Variants in NCOA1 observed in about 807,000 individuals in gnomAD.
NCOA1 encodes nuclear receptor coactivator 1.
Under a neutral mutation model 150.9 loss-of-function variants are expected in NCOA1, and 35 were observed. The ratio of observed to expected loss-of-function variants is 0.23; its 90% confidence interval spans 0.18 to 0.31. The LOEUF is 0.31. Among genes scored for constraint, NCOA1 ranks in the 10% least tolerant of loss-of-function variants. The pLI is 1.00. For synonymous variants in NCOA1, 590 were observed against 630.0 expected, an observed-to-expected ratio of 0.94 and a Z score of 0.95; for missense variants, 1,491 against 1,749.3, an observed-to-expected ratio of 0.85 and a Z score of 2.63.
chr2:24,738,650 C>T (rs1200288483), intron 17 of NCOA1, among the ~76,000 whole-genome samples: 1 of 152,140 alleles, frequency 6.6e-6, no homozygotes, highest in Non-Finnish European at 1.5e-5. Flanking sequence ...CCACAATGTG[C>T]TTTTGGCCAA....
intron 1 of NCOA1, among the ~76,000 whole-genome samples, chr2:24,507,028 A>G (rs1028552522): frequency 6.6e-6 from 1 of 152,242 alleles, no homozygotes; most frequent in African/African-American, 2.4e-5. Context: ...CCTTTATCTC[A>G]GTGTCCTTGT....
intron 1 of NCOA1, among the ~76,000 whole-genome samples, chr2:24,558,204 A>G (rs1338656044): frequency 1.3e-5 from 2 of 152,000 alleles, no homozygotes; most frequent in African/African-American, 4.8e-5. Context: ...CCTGTATGCA[A>G]GTTCACTTGT....
chr2:24,502,905 T>C (rs151166892), intron 1 of NCOA1, among the ~76,000 whole-genome samples: 22 of 152,342 alleles, frequency 1.4e-4, no homozygotes, highest in African/African-American at 4.8e-4. Flanking sequence ...TTCCTTGTTA[T>C]TCGCTTGGTA....
chr2:24,693,115 A>G (rs1672744110), intron 9 of NCOA1, 137 bp from the exon 10 acceptor site: 2 of 747,292 alleles, frequency 2.7e-6, no homozygotes, highest in African/African-American at 1.7e-5. Context: ...CGGCCTCCCA[A>G]AGTGCTGGGA....
intron 3 of NCOA1, among the ~76,000 whole-genome samples, chr2:24,596,919 C>T (rs1481756572): frequency 1.3e-5 from 2 of 152,158 alleles, no homozygotes; most frequent in Non-Finnish European, 2.9e-5. Flanking sequence ...CAAACTGGAA[C>T]AAGATTCTTC....
intron 7 of NCOA1, among the ~76,000 whole-genome samples, chr2:24,678,443 A>G (rs1273672087): frequency 6.6e-6 from 1 of 152,182 alleles, no homozygotes; most frequent in African/African-American, 2.4e-5. Flanking sequence ...TTCTGCCTCT[A>G]AATCTTTGAG....
At chr2:24,702,583 T>G (rs1172693437) in intron 11 of NCOA1, among the ~76,000 whole-genome samples, 1 of 152,164 alleles carries the variant, frequency 6.6e-6, no homozygotes, top group Non-Finnish European at 1.5e-5. Context: ...TTGAGGCCTA[T>G]TCTAGGGATA....
intron 1 of NCOA1, among the ~76,000 whole-genome samples, chr2:24,501,496 A>C (rs573652774): frequency 6.6e-6 from 1 of 152,322 alleles, no homozygotes; most frequent in South Asian, 2.1e-4. Flanking sequence ...TAAATGTTTA[A>C]AAATTTGTTT....
chr2:24,516,481 C>G (rs62140846), intron 1 of NCOA1, among the ~76,000 whole-genome samples: 28,226 of 150,678 alleles, frequency 0.19, 2,839 homozygotes, highest in Non-Finnish European at 0.23. Flanking sequence ...CATGAGCCAC[C>G]GTGCCCGGCC....
At chr2:24,729,870 AC>A (rs1194658359) in intron 17 of NCOA1, 55 bp downstream of exon 17, 8 of 1,404,900 alleles carry the variant, frequency 5.7e-6, no homozygotes, top group Non-Finnish European at 6.5e-6. Context: ...ACGAAGTCTC[AC>A]CTGTCACCAG....
Position 24,691,677 on chromosome 2 carries a change from T to G in NCOA1, c.712+17T>G. ...ATGGAGAAGGTAAAGCCAAACGGTCTTTTTAAAGTGTTTATTTCTTCTGTG... is the reference window on the plus strand; with the variant it reads ...ATGGAGAAGGTAAAGCCAAACGGTCGTTTTAAAGTGTTTATTTCTTCTGTG... On this transcript the variant is annotated intron_variant, in intron 9 of 22. Coordinates refer to ENST00000348332, the MANE Select transcript of NCOA1 (RefSeq NM_003743.5). The G allele has an allele frequency of 1.2e-6, 2 of 1,606,650 alleles. No homozygotes were observed. Among genetic ancestry groups the G allele is most frequent in the Non-Finnish European group, 8.5e-7 (1 of 1,175,850 alleles).
At chr2:24,626,441 C>T (rs1007468251) in intron 3 of NCOA1, among the ~76,000 whole-genome samples, 6 of 152,074 alleles carry the variant, frequency 3.9e-5, no homozygotes, top group Non-Finnish European at 8.8e-5. Flanking sequence ...TTCTGATAAA[C>T]ACTGGAGAGA....
chr2:24,651,247 A>G (rs990136613), intron 4 of NCOA1, among the ~76,000 whole-genome samples: 2 of 152,060 alleles, frequency 1.3e-5, no homozygotes, highest in African/African-American at 4.8e-5. Flanking sequence ...AGCTGTCTGC[A>G]CTCCCATGTT....
intron 3 of NCOA1, among the ~76,000 whole-genome samples, chr2:24,621,222 T>G (rs1421132490): frequency 6.6e-6 from 1 of 152,098 alleles, no homozygotes; most frequent in African/African-American, 2.4e-5. Flanking sequence ...TGTCTTGTTG[T>G]GAAACATTTA....
At chr2:24,501,790 A>G (rs1663473500) in intron 1 of NCOA1, among the ~76,000 whole-genome samples, 2 of 152,242 alleles carry the variant, frequency 1.3e-5, no homozygotes, top group South Asian at 4.1e-4. Context: ...TTATCTGGGG[A>G]GAGGGTCTAG....
At chr2:24,748,185 G>A (rs1482875975) in intron 19 of NCOA1, among the ~76,000 whole-genome samples, 6 of 152,056 alleles carry the variant, frequency 3.9e-5, no homozygotes, top group Non-Finnish European at 7.4e-5. Context: ...TAGAGGAAGC[G>A]ACAAGGAGAA....
chr2:24,529,077 G>A (rs563905727), intron 1 of NCOA1, among the ~76,000 whole-genome samples: 77 of 152,240 alleles, frequency 5.1e-4, no homozygotes, highest in Non-Finnish European at 8.1e-4. Flanking sequence ...TAGTAGAGAC[G>A]GGGTTTCACC....
At chr2:24,556,383 T>C (rs2148239283) in intron 1 of NCOA1, among the ~76,000 whole-genome samples, 1 of 152,342 alleles carries the variant, frequency 6.6e-6, no homozygotes, top group East Asian at 1.9e-4. Context: ...ACATTTTGTT[T>C]AGTCTATCAT....
At chr2:24,590,180 T>A (rs558826275) in intron 3 of NCOA1, among the ~76,000 whole-genome samples, 3 of 152,334 alleles carry the variant, frequency 2.0e-5, no homozygotes, top group Admixed American at 2.0e-4. Context: ...CTTTCTCTTT[T>A]CATTTTTAAA....
Sources: gnomAD v4.1 joint callset for allele counts (sites outside exome capture counted in the v4.1 genomes callset) on GRCh38, gnomAD v4.1.1 for gene constraint, MANE v1.5 for transcripts, NCBI Gene and HGNC (gene_info 2026-07-23, HGNC 2026-07-21) for gene names.